KIAA1586: variants seen among roughly 807,000 people sequenced by gnomAD.
KIAA1586 encodes the protein E3 SUMO-protein ligase KIAA1586.
A neutral mutation model predicts 6.1 loss-of-function variants in KIAA1586; 5 were observed. The ratio of observed to expected loss-of-function variants is 0.82; its 90% CI spans 0.43 to 1.73. The LOEUF is 1.73. Ranked by LOEUF, KIAA1586 falls within the 40% of genes most tolerant of loss-of-function variation. The probability of loss-of-function intolerance (pLI) is 0.02; values close to 1 mark genes in which losing one functional copy is unlikely to be tolerated. For missense variants in KIAA1586, 899 were observed against 878.2 expected (o/e 1.02, Z -0.30); for synonymous variants, 280 against 301.7 (o/e 0.93, Z 0.75).
At chr6:57,059,556 A>G (rs1009063833), downstream of KIAA1586, among the ~76,000 whole-genome samples, 2 of 148,430 alleles carry the variant, frequency 1.3e-5, no homozygotes, top group African/African-American at 5.0e-5. Flanking sequence ...GTGCCACTGC[A>G]CTCCAGCCTG....
At chr6:57,065,343 G>C in the KIAA1586 span, among the ~76,000 whole-genome samples, 1 of 152,062 alleles carries the variant, frequency 6.6e-6, no homozygotes, top group Non-Finnish European at 1.5e-5. Context: ...TACCAAAGAG[G>C]TATATCCGGT....
intron 3 of KIAA1586, among the ~76,000 whole-genome samples, chr6:57,051,575 A>G (rs111295121): frequency 2.0e-5 from 3 of 151,772 alleles, no homozygotes; most frequent in South Asian, 4.1e-4. Flanking sequence ...ATTAAATTTC[A>G]AAGTGTGATG....
At chr6:57,062,600 A>T in the KIAA1586 span, among the ~76,000 whole-genome samples, 1 of 152,204 alleles carries the variant, frequency 6.6e-6, no homozygotes, top group Non-Finnish European at 1.5e-5. Context: ...TTAACTATAC[A>T]TGGAAGAAAT....
At chr6:57,064,235 A>T in the KIAA1586 span, among the ~76,000 whole-genome samples, 1 of 152,238 alleles carries the variant, frequency 6.6e-6, no homozygotes, top group East Asian at 1.9e-4. Flanking sequence ...TCCTACCTCA[A>T]ACAAAATTCT....
chr6:57,055,453 T>C (rs1828483769), downstream of KIAA1586, among the ~76,000 whole-genome samples: 1 of 152,066 alleles, frequency 6.6e-6, no homozygotes, highest in African/African-American at 2.4e-5. Flanking sequence ...TGTTGTAGTG[T>C]GCCTGTCAAA....
the KIAA1586 span, among the ~76,000 whole-genome samples, chr6:57,065,217 AAATGGGGC>A: frequency 2.0e-5 from 3 of 152,110 alleles, no homozygotes; most frequent in Non-Finnish European, 2.9e-5. Context: ...TGTTGAAAAA[AAATGGGGC>A]AATTTTTTTT....
At chr6:57,066,058 C>T in the KIAA1586 span, among the ~76,000 whole-genome samples, 1 of 151,102 alleles carries the variant, frequency 6.6e-6, no homozygotes, top group Non-Finnish European at 1.5e-5. Context: ...GGGTGCATCA[C>T]TTGAGGTCAG....
In KIAA1586 at chr6:57,054,170, C is replaced by A; in HGVS notation, c.1671C>A (p.Ile557=). Residue 557 remains isoleucine, a synonymous_variant, in exon 4 of 4, where the codon ATC becomes ATA. Transcript: ENST00000370733. ...STNIKKAQKL[I]KRTIRALENL... is the part of the protein sequence containing the mutation. Reference sequence around the variant, plus strand: ...ATATTAAGAAAGCACAAAAATTGATCAAACGTACCATAAGAGCTTTGGAAA... The same window carrying A: ...ATATTAAGAAAGCACAAAAATTGATAAAACGTACCATAAGAGCTTTGGAAA... 2.5e-6 allele frequency: 4 copies of A among 1,586,854 alleles called. No homozygotes were observed. Among genetic ancestry groups the A allele is most frequent in the South Asian group, 2.3e-5 (2 of 86,896 alleles).
At chr6:57,050,163 G>A (rs904820509) in intron 2 of KIAA1586, among the ~76,000 whole-genome samples, 14 of 151,038 alleles carry the variant, frequency 9.3e-5, no homozygotes, top group African/African-American at 9.8e-5. Flanking sequence ...ATCAATATCT[G>A]TGCTATTTCC....
intron 2 of KIAA1586, 51 bp from the exon 3 acceptor site, chr6:57,050,723 T>G: frequency 7.9e-7 from 1 of 1,271,910 alleles, no homozygotes; most frequent in Non-Finnish European, 1.1e-6. Flanking sequence ...AAATTTAAGT[T>G]TAATTGGAAT....
In KIAA1586 at chr6:57,050,792, G is replaced by A; in HGVS notation, c.124G>A (p.Val42Ile). ...QFVSEGPSRP[V>I]LEYIDLVCGD... The stretch of plus-strand genomic sequence containing the variant: ...TTTTTAGGAAGGACCATCGAGACCT[G>A]TTCTTGAATACATCGATCTGGTCTG... The change falls in exon 3 of 4, where the codon GTT becomes ATT. Residue 42 changes from valine to isoleucine, a missense_variant. Coordinates refer to ENST00000370733, the MANE Select transcript of KIAA1586 (RefSeq NM_020931.4). 1 of 1,613,332 alleles carries A rather than the reference G, an allele frequency of 6.2e-7. No homozygotes were observed. Among genetic ancestry groups the A allele is most frequent in the South Asian group, 1.1e-5 (1 of 91,052 alleles).
At position 57,055,127 on chromosome 6, in the gene KIAA1586, T is replaced by G. The variant is rs866379670; in HGVS notation, c.*264T>G. Reference sequence around the variant, plus strand: ...AAACACCGTTTATAATTTTGTACTGTTTTACTTTAAGTAAGGATGCAAAAA... The same window carrying G: ...AAACACCGTTTATAATTTTGTACTGGTTTACTTTAAGTAAGGATGCAAAAA... On this transcript the variant is annotated 3_prime_UTR_variant, in exon 4 of 4. Coordinates refer to ENST00000370733, the MANE Select transcript of KIAA1586 (RefSeq NM_020931.4). The G allele has an allele frequency of 4.5e-6, 1 of 222,260 alleles. No individual in the cohort carries two copies. Among genetic ancestry groups the G allele is most frequent in the South Asian group, 1.3e-4 (1 of 7,710 alleles). 13.8% of individuals were successfully genotyped at this position (222,260 alleles called of 1,614,324 possible).
chr6:57,050,114 G>C (rs1828281186), intron 2 of KIAA1586, among the ~76,000 whole-genome samples: 1 of 151,930 alleles, frequency 6.6e-6, no homozygotes, highest in Non-Finnish European at 1.5e-5. Context: ...GAGCAGCTGA[G>C]ACTGGCACTG....
In KIAA1586 at chr6:57,055,013, T is replaced by G. The variant is rs1828472839; in HGVS notation, c.*150T>G. The G allele has an allele frequency of 1.1e-6, 1 of 946,846 alleles. No homozygotes were observed. Among genetic ancestry groups the G allele is most frequent in the Non-Finnish European group, 1.5e-6 (1 of 667,808 alleles). The allele number at this position is 946,846 out of a possible 1,614,324, so 58.7% of individuals were successfully genotyped here. On this transcript the variant is annotated 3_prime_UTR_variant, in exon 4 of 4. Coordinates refer to ENST00000370733, the MANE Select transcript of KIAA1586 (RefSeq NM_020931.4). Reference sequence around the variant, plus strand: ...TTCTTTAAGAAGATAATCTTGAAGATTGGTTTTAGAAGCTATAGTTTTTTA... The same window carrying G: ...TTCTTTAAGAAGATAATCTTGAAGAGTGGTTTTAGAAGCTATAGTTTTTTA...
rs370896018 is a variant in KIAA1586, at chr6:57,053,931, C to T, written c.1432C>T (p.Arg478Ter). Residue 478 changes from arginine to a stop codon, truncating the protein, a stop_gained, in exon 4 of 4, where the codon CGA (arginine) becomes TGA (stop). Transcript: ENST00000370733. LOFTEE classifies it low-confidence loss of function (END_TRUNC). ...TGAAACTGAAATTATTAAAATTGGT[C>T]GAGTAATGGGACCAAGATGGGCGGC... ...ELETEIIKIGRVMGPRWAACS... is the reference protein window; with the variant it reads ...ELETEIIKIG 57 of 1,580,580 alleles carry T rather than the reference C, an allele frequency of 3.6e-5. 2 individuals are homozygous for T. Among genetic ancestry groups the T allele is most frequent in the Admixed American group, 3.8e-5 (2 of 52,540 alleles).
intron 2 of KIAA1586, among the ~76,000 whole-genome samples, chr6:57,049,640 C>T (rs1828271474): frequency 6.6e-6 from 1 of 152,096 alleles, no homozygotes; most frequent in South Asian, 2.1e-4. Context: ...AGGTTACTTC[C>T]TCCTTGCCAT....
rs931491367 is a variant in KIAA1586 at position 57,053,667 on chromosome 6, G to A, written c.1168G>A (p.Asp390Asn). 6.2e-7 allele frequency: 1 copy of A among 1,611,650 alleles called. No individual in the cohort carries two copies. Among genetic ancestry groups the A allele is most frequent in the Admixed American group, 1.7e-5 (1 of 59,802 alleles). Residue 390 changes from aspartate (D) to asparagine (N), a missense_variant, in exon 4 of 4, where the codon GAT becomes AAT. Transcript: ENST00000370733. Reference sequence around the variant, plus strand: ...AGCAAATTTAATTGCATTTTGTTCTGATGGTGCTAATACAATCCTGGGAAG... The same window carrying A: ...AGCAAATTTAATTGCATTTTGTTCTAATGGTGCTAATACAATCCTGGGAAG... ...LKANLIAFCS[D>N]GANTILGRKS... is the part of the protein sequence containing the mutation.
At chr6:57,061,940 T>TACAGGGAAA in the KIAA1586 span, among the ~76,000 whole-genome samples, 10 of 151,538 alleles carry the variant, frequency 6.6e-5, no homozygotes, top group African/African-American at 2.4e-4. Flanking sequence ...GGTTTTCTTT[T>TACAGGGAAA]TTTTTTTTTT....
At chr6:57,056,435 C>T (rs566120546), downstream of KIAA1586, among the ~76,000 whole-genome samples, 2 of 151,958 alleles carry the variant, frequency 1.3e-5, no homozygotes, top group South Asian at 4.2e-4. Flanking sequence ...TCTCAAACTC[C>T]TGACCTCAGG....
Sources: allele counts gnomAD v4.1 joint callset (sites outside exome capture counted in the v4.1 genomes callset), GRCh38; gene constraint gnomAD v4.1.1; transcripts MANE v1.5; gene names NCBI Gene and HGNC (gene_info 2026-07-23, HGNC 2026-07-21).